ITGA2: variants seen among roughly 807,000 people sequenced by gnomAD.
The protein encoded by ITGA2 is integrin alpha-2.
Under a neutral mutation model 146.3 loss-of-function variants are expected in ITGA2, and 101 were observed. That is an observed-to-expected ratio of 0.69 (90% confidence interval 0.59 to 0.81). The LOEUF (loss-of-function observed/expected upper bound fraction) is 0.81. ITGA2 is among the 40% of genes least tolerant of loss of function. The pLI, the probability that ITGA2 is intolerant of heterozygous loss-of-function variation, is 0.00. For synonymous variants in ITGA2, 477 were observed against 487.1 expected (o/e 0.98, Z 0.27); for missense variants, 1,281 against 1,402.7 (o/e 0.91, Z 1.39).
chr5:53,053,487 A>G (rs1347341072), intron 7 of ITGA2, among the ~76,000 whole-genome samples: 1 of 152,144 alleles, frequency 6.6e-6, no homozygotes, highest in Non-Finnish European at 1.5e-5. Context: ...AGAAACTGCA[A>G]CGGCCCGGTT....
chr5:53,091,096 G>T lies in ITGA2; in HGVS notation c.*497G>T. 1 of 211,156 alleles carries T rather than the reference G, an allele frequency of 4.7e-6. No individual in the cohort carries two copies. Among genetic ancestry groups the T allele is most frequent in the Admixed American group, 5.5e-5 (1 of 18,306 alleles). The allele number at this position is 211,156 out of a possible 1,614,324, so 13.1% of individuals were successfully genotyped here. ...TAACAAGAGGGGAAAACAAAACACA[G>T]GTTTTTTCAATTTATGCTGCTCATC... is the stretch of plus-strand genomic sequence containing the variant. On this transcript the variant is annotated 3_prime_UTR_variant, in exon 30 of 30. Transcript: ENST00000296585.
chr5:53,048,042 C>G (rs3212482), intron 4 of ITGA2, among the ~76,000 whole-genome samples: 97 of 152,232 alleles, frequency 6.4e-4, no homozygotes, highest in African/African-American at 2.2e-3. Flanking sequence ...ATGCATTCTC[C>G]TCCTTGGTGT....
chr5:53,051,596 T>C (rs1355694387), intron 7 of ITGA2, 37 bp downstream of exon 7: 15 of 1,576,842 alleles, frequency 9.5e-6, no homozygotes, highest in Non-Finnish European at 1.3e-5. Flanking sequence ...GTTTTCATAA[T>C]GTAAAACATT....
At chr5:53,062,749 C>G in intron 12 of ITGA2, 37 bp from the exon 13 acceptor site, 2 of 1,599,498 alleles carry the variant, frequency 1.3e-6, no homozygotes, top group South Asian at 1.1e-5. Context: ...TATATGAATC[C>G]TAGGAATTCT....
rs1451734139 is a variant in ITGA2, at chr5:53,090,641, C to G, written c.*42C>G. 1 of 1,496,342 alleles carries G rather than the reference C, an allele frequency of 6.7e-7. No individual in the cohort carries two copies. Among genetic ancestry groups the G allele is most frequent in the South Asian group, 1.1e-5 (1 of 88,820 alleles). The allele number at this position is 1,496,342 out of a possible 1,614,324, so 92.7% of individuals were successfully genotyped here. A position where few individuals can be genotyped will look rare whatever the true frequency, so the allele number is the denominator to read the frequency against. ...GCAGTGGGAACCGGCAGCATCCCAGCCAGGGTTTGCTGTTTGCGTGAATGG... is the reference window on the plus strand; with the variant it reads ...GCAGTGGGAACCGGCAGCATCCCAGGCAGGGTTTGCTGTTTGCGTGAATGG... On this transcript the variant is annotated 3_prime_UTR_variant, in exon 30 of 30. Transcript: ENST00000296585.
At chr5:53,069,954 G>A (rs1265945270) in intron 16 of ITGA2, among the ~76,000 whole-genome samples, 155 bp from the exon 17 acceptor site, 1 of 151,888 alleles carries the variant, frequency 6.6e-6, no homozygotes, top group East Asian at 1.9e-4. Context: ...AATGCTTTGT[G>A]GTGCTAGCTA....
intron 1 of ITGA2, among the ~76,000 whole-genome samples, chr5:53,010,896 A>T (rs1309788296): frequency 6.6e-6 from 1 of 152,106 alleles, no homozygotes. Context: ...CCAATGACAA[A>T]TGTTTTTGTA....
Position 53,006,863 on chromosome 5 carries a change from A to C in ITGA2, c.64+17331A>C, listed in dbSNP as rs377617544. Among the ~76,000 whole-genome samples, 179 of 150,998 alleles carry C rather than the reference A, an allele frequency of 1.2e-3. 1 individual carries two copies. The South Asian group carries it at 0.028, about 24-fold the overall frequency. ...CAACATATTTCAACAACAAAAACAT[A>C]AAAAAAAATTCATTAATCAACTTCA... On this transcript the variant is annotated intron_variant, in intron 1 of 29. Coordinates refer to ENST00000296585, the MANE Select transcript of ITGA2 (RefSeq NM_002203.4).
chr5:53,029,978 G>C (rs1386318320), intron 2 of ITGA2, among the ~76,000 whole-genome samples: 1 of 152,180 alleles, frequency 6.6e-6, no homozygotes, highest in Non-Finnish European at 1.5e-5. Context: ...ATTCTTTTAA[G>C]TAACAGCTTT....
intron 19 of ITGA2, 51 bp from the exon 20 acceptor site, chr5:53,073,067 C>A (rs369162697): frequency 1.1e-5 from 18 of 1,583,118 alleles, no homozygotes; most frequent in Non-Finnish European, 1.6e-5. Flanking sequence ...AAATACTGGC[C>A]TTTTTATTTA....
intron 1 of ITGA2, among the ~76,000 whole-genome samples, chr5:53,011,023 T>C (rs998106612): frequency 4.6e-5 from 7 of 152,082 alleles, no homozygotes; most frequent in Non-Finnish European, 2.9e-5. Context: ...CCCAAGAAGA[T>C]AGAAGAAACA....
chr5:53,074,143 T>C (rs568653238), intron 20 of ITGA2, among the ~76,000 whole-genome samples: 36 of 151,968 alleles, frequency 2.4e-4, no homozygotes, highest in Non-Finnish European at 4.6e-4. Flanking sequence ...GGGGAAAAAA[T>C]ACAGTATTTA....
intron 1 of ITGA2, among the ~76,000 whole-genome samples, chr5:53,014,702 A>C (rs1742316451): frequency 6.6e-6 from 1 of 152,162 alleles, no homozygotes; most frequent in African/African-American, 2.4e-5. Flanking sequence ...CATCTGGTAA[A>C]ATTCAGCTAT....
intron 28 of ITGA2, 75 bp from the exon 29 acceptor site, chr5:53,089,871 T>TA: frequency 1.1e-6 from 1 of 875,294 alleles, no homozygotes; most frequent in Non-Finnish European, 2.0e-6. Flanking sequence ...CTTACAGAAT[T>TA]AGAGAATTGG....
intron 1 of ITGA2, among the ~76,000 whole-genome samples, chr5:53,003,869 C>T (rs1219589963): frequency 6.6e-6 from 1 of 152,026 alleles, no homozygotes; most frequent in African/African-American, 2.4e-5. Flanking sequence ...TGGTCTTGAA[C>T]TCCTCAGCTC....
intron 15 of ITGA2, among the ~76,000 whole-genome samples, chr5:53,066,588 C>CA (rs34443882): frequency 6.6e-6 from 1 of 151,628 alleles, no homozygotes; most frequent in African/African-American, 2.4e-5. Context: ...TTGTCTCTGT[C>CA]AAAAAATGTG....
intron 4 of ITGA2, 143 bp downstream of exon 4, chr5:53,045,235 T>C (rs1744017868): frequency 8.6e-6 from 6 of 695,994 alleles, no homozygotes; most frequent in Admixed American, 2.3e-5. Flanking sequence ...GGCTATCCAA[T>C]GTTGAATATT....
intron 4 of ITGA2, 140 bp downstream of exon 4, chr5:53,045,232 C>A: frequency 2.8e-6 from 2 of 716,332 alleles, no homozygotes; most frequent in South Asian, 1.6e-5. Context: ...TTTGGCTATC[C>A]AATGTTGAAT....
At chr5:53,037,161 G>C (rs1292146086) in intron 2 of ITGA2, among the ~76,000 whole-genome samples, 1 of 152,178 alleles carries the variant, frequency 6.6e-6, no homozygotes. Context: ...AAAGTATTTT[G>C]AATTCCACTG....
Sources: gnomAD v4.1 joint callset for allele counts (sites outside exome capture counted in the v4.1 genomes callset) on GRCh38, gnomAD v4.1.1 for gene constraint, MANE v1.5 for transcripts, NCBI Gene and HGNC (gene_info 2026-07-23, HGNC 2026-07-21) for gene names.